Variants in PTH2R observed in about 807,000 individuals in gnomAD.
PTH2R encodes the protein PTH2 receptor.
A neutral mutation model predicts 60.3 loss-of-function variants in PTH2R; 59 were observed. The ratio of observed to expected loss-of-function variants is 0.98; its 90% CI spans 0.79 to 1.22. PTH2R has a LOEUF of 1.22. PTH2R is among the 50% of genes most tolerant of loss of function. The pLI is 0.00. For synonymous variants in PTH2R, 256 were observed against 243.8 expected (o/e 1.05, Z -0.47); for missense variants, 749 against 682.6 (o/e 1.10, Z -1.08).
intron 1 of PTH2R, among the ~76,000 whole-genome samples, chr2:208,414,640 A>C (rs1253923365): frequency 6.6e-6 from 1 of 152,138 alleles, no homozygotes; most frequent in African/African-American, 2.4e-5. Context: ...ACTTTATTCC[A>C]AAATTTTTAT....
At chr2:208,427,428 T>C (rs761574679) in intron 1 of PTH2R, among the ~76,000 whole-genome samples, 14 of 152,140 alleles carry the variant, frequency 9.2e-5, no homozygotes, top group African/African-American at 3.4e-4. Context: ...TGTATTATAT[T>C]GATAGATAAA....
chr2:208,412,667 G>A (rs879343621), intron 1 of PTH2R, among the ~76,000 whole-genome samples: 2 of 152,096 alleles, frequency 1.3e-5, no homozygotes, highest in Admixed American at 1.3e-4. Flanking sequence ...AAATTAGCTG[G>A]GTGGCCACAG....
At chr2:208,450,713 A>G (rs757661117) in intron 7 of PTH2R, 36 bp from the exon 8 acceptor site, 1 of 1,606,316 alleles carries the variant, frequency 6.2e-7, no homozygotes, top group South Asian at 1.1e-5. Flanking sequence ...TTAATCTTAA[A>G]ATAAATCTAG....
chr2:208,458,754 C>G (rs1702568247), intron 8 of PTH2R, among the ~76,000 whole-genome samples: 1 of 152,136 alleles, frequency 6.6e-6, no homozygotes, highest in African/African-American at 2.4e-5. Flanking sequence ...CCAGCTCCAT[C>G]CATGTTCCTG....
At chr2:208,404,604 C>A (rs754807381), upstream of PTH2R, among the ~76,000 whole-genome samples, 2 of 152,104 alleles carry the variant, frequency 1.3e-5, no homozygotes, top group African/African-American at 2.4e-5. Flanking sequence ...TTAATTGTTA[C>A]ACGGGCCTTA....
At chr2:208,450,235 A>C (rs1220925674) in intron 7 of PTH2R, among the ~76,000 whole-genome samples, 3 of 152,248 alleles carry the variant, frequency 2.0e-5, no homozygotes, top group Non-Finnish European at 2.9e-5. Context: ...GTCTTGTGCC[A>C]ACGTGAACTA....
chr2:208,448,063 A>C (rs1702325648), intron 7 of PTH2R, among the ~76,000 whole-genome samples: 1 of 152,188 alleles, frequency 6.6e-6, no homozygotes, highest in Admixed American at 6.5e-5. Flanking sequence ...TCCTAGTAAT[A>C]CCATCTTACA....
chr2:208,403,225 G>A (rs1701342646), upstream of PTH2R, among the ~76,000 whole-genome samples: 1 of 152,198 alleles, frequency 6.6e-6, no homozygotes, highest in African/African-American at 2.4e-5. Context: ...GTTTTCCATG[G>A]AGGCAGTAAG....
chr2:208,371,457 A>G (rs1700699914), intron 1 of PTH2R, among the ~76,000 whole-genome samples: 1 of 152,108 alleles, frequency 6.6e-6, no homozygotes, highest in Non-Finnish European at 1.5e-5. Flanking sequence ...AACCCTTACC[A>G]CTGGCTGTTT....
At position 208,489,151 on chromosome 2, in the gene PTH2R, G is replaced by A; in HGVS notation, c.1215+1G>A. 1.2e-6 allele frequency: 2 copies of A among 1,613,930 alleles called. No individual in the cohort carries two copies. The highest frequency in any genetic ancestry group is 1.7e-6 in the Non-Finnish European group (2 of 1,179,912). On this transcript the variant is annotated splice_donor_variant, in intron 11 of 12. Coordinates refer to ENST00000272847, the MANE Select transcript of PTH2R (RefSeq NM_005048.4). LOFTEE classifies it high-confidence loss of function. The stretch of plus-strand genomic sequence containing the variant: ...TGAGCTCTTCTTCAACTCCTTTCAG[G>A]TAAAGGGTGCTGCCTAGTCATCTGA...
At chr2:208,393,715 G>A (rs966360020) in intron 1 of PTH2R, among the ~76,000 whole-genome samples, 2 of 152,220 alleles carry the variant, frequency 1.3e-5, no homozygotes. Context: ...AAACACCTGA[G>A]TTAAATTTTG....
At chr2:208,482,069 C>G (rs1703165189) in intron 10 of PTH2R, among the ~76,000 whole-genome samples, 1 of 152,182 alleles carries the variant, frequency 6.6e-6, no homozygotes, top group African/African-American at 2.4e-5. Context: ...GCTTTATAAT[C>G]TCCAGTTAAC....
intron 1 of PTH2R, among the ~76,000 whole-genome samples, chr2:208,416,126 T>C (rs1293635738): frequency 2.0e-5 from 3 of 152,218 alleles, no homozygotes; most frequent in Admixed American, 6.5e-5. Flanking sequence ...TTTGGTTTAC[T>C]GAAGCGTTTG....
chr2:208,439,623 A>G (rs1160629110), intron 4 of PTH2R, among the ~76,000 whole-genome samples: 1 of 152,012 alleles, frequency 6.6e-6, no homozygotes, highest in Non-Finnish European at 1.5e-5. Flanking sequence ...TTTTTTCTCT[A>G]AATTTTTATA....
chr2:208,454,709 A>G (rs1009602229), intron 8 of PTH2R, among the ~76,000 whole-genome samples: 2 of 152,262 alleles, frequency 1.3e-5, no homozygotes, highest in African/African-American at 2.4e-5. Context: ...TTTAACCTAT[A>G]TATGCAGTAA....
Position 208,437,776 on chromosome 2 carries a change from C to G in PTH2R, c.306C>G (p.His102Gln), listed in dbSNP as rs750683033. 6.2e-7 allele frequency: 1 copy of G among 1,613,440 alleles called. No homozygotes were observed. The highest frequency in any genetic ancestry group is 1.1e-5 in the South Asian group (1 of 91,044). Reference protein sequence around the residue: ...DFNHKGVAFRHCNPNGTWDFM... With the variant: ...DFNHKGVAFRQCNPNGTWDFM... ...TCTTTACAGGAGTTGCTTTCCGACACTGTAACCCCAATGGAACATGGGATT... is the reference window on the plus strand; with the variant it reads ...TCTTTACAGGAGTTGCTTTCCGACAGTGTAACCCCAATGGAACATGGGATT... The change falls in exon 4 of 13, where the codon CAC becomes CAG. Residue 102 changes from histidine (H) to glutamine (Q), a missense_variant. Transcript: ENST00000272847.
At chr2:208,463,837 A>G (rs927799899) in intron 9 of PTH2R, among the ~76,000 whole-genome samples, 1 of 152,200 alleles carries the variant, frequency 6.6e-6, no homozygotes, top group Admixed American at 6.5e-5. Context: ...CCCAGGGATG[A>G]TCTGGCTTCC....
intron 1 of PTH2R, among the ~76,000 whole-genome samples, chr2:208,368,034 T>TAA: frequency 6.6e-6 from 1 of 152,036 alleles, no homozygotes; most frequent in African/African-American, 2.4e-5. Flanking sequence ...GACAAACAAT[T>TAA]ACGTGAATTT....
intron 12 of PTH2R, 145 bp downstream of exon 12, chr2:208,490,825 G>C (rs1703388438): frequency 1.3e-6 from 1 of 777,718 alleles, no homozygotes; most frequent in Admixed American, 3.5e-5. Context: ...AATTATTTTG[G>C]AAAAGAAAGA....
Sources: gnomAD v4.1 joint callset for allele counts (sites outside exome capture counted in the v4.1 genomes callset) on GRCh38, gnomAD v4.1.1 for gene constraint, MANE v1.5 for transcripts, NCBI Gene and HGNC (gene_info 2026-07-23, HGNC 2026-07-21) for gene names.